The following KLF5 variants were observed in gnomAD, a reference collection of about 807,000 sequenced individuals.
KLF5 encodes KLF transcription factor 5.
A neutral mutation model predicts 36.9 loss-of-function variants in KLF5; 9 were observed. The observed-to-expected ratio is 0.24, with a 90% CI of 0.15 to 0.43. KLF5 has a LOEUF of 0.43. Ranked by LOEUF, KLF5 falls within the 20% of genes least tolerant of loss-of-function variation. The pLI is 1.00. For synonymous variants in KLF5, 246 were observed against 241.7 expected (o/e 1.02, Z -0.17); for missense variants, 524 against 599.5 (o/e 0.87, Z 1.31).
At chr13:73,067,407 T>G (rs190084049) in intron 3 of KLF5, among the ~76,000 whole-genome samples, 1 of 152,336 alleles carries the variant, frequency 6.6e-6, no homozygotes, top group African/African-American at 2.4e-5. Context: ...AAACAAAAAT[T>G]TGTAGAAATT....
chr13:73,059,904 A>C, intron 1 of KLF5: 1 of 594,496 alleles, frequency 1.7e-6, no homozygotes, highest in Non-Finnish European at 2.1e-6. Flanking sequence ...TGAGGGACGA[A>C]ACCTTGTACC....
Position 73,076,153 on chromosome 13 carries a change from C to A in KLF5, c.*267C>A. 5 of 293,858 alleles carry A rather than the reference C, an allele frequency of 1.7e-5. No individual in the cohort carries two copies. The highest frequency in any genetic ancestry group is 1.9e-5 in the Non-Finnish European group (3 of 160,460). The allele number at this position is 293,858 out of a possible 1,614,324, so 18.2% of individuals were successfully genotyped here. A position where few individuals can be genotyped will look rare whatever the true frequency, so the allele number is the denominator to read the frequency against. ...CTCATGACAGGCAGCCACGTCTCAA[C>A]ATGGGTAAGGGGTGGGGGTGGAGGG... On this transcript the variant is annotated 3_prime_UTR_variant, in exon 4 of 4. Transcript: ENST00000377687.
rs1488087703 is a variant in KLF5 at position 73,062,353 on chromosome 13, C to G, written c.754C>G (p.Leu252Val). 1 of 1,614,222 alleles carries G rather than the reference C, an allele frequency of 6.2e-7. No homozygotes were observed. Among genetic ancestry groups the G allele is most frequent in the Non-Finnish European group, 8.5e-7 (1 of 1,180,044 alleles). Residue 252 changes from leucine to valine, a missense_variant, in exon 2 of 4, where the codon CTT (leucine) becomes GTT (valine). Leu to Val is a conservative substitution (Grantham distance 32). Coordinates refer to ENST00000377687, the MANE Select transcript of KLF5 (RefSeq NM_001730.5). ...AAATCAGACAGCAGCAATGGACACT[C>G]TTAATGTTTCTATGTCAGCTGCCAT... ...STNQTAAMDTLNVSMSAAMAG... is the reference protein window; with the variant it reads ...STNQTAAMDTVNVSMSAAMAG...
chr13:73,056,913 T>A (rs1395258163), upstream of KLF5, among the ~76,000 whole-genome samples: 1 of 149,218 alleles, frequency 6.7e-6, no homozygotes, highest in Non-Finnish European at 1.5e-5. Context: ...AGACTAAAAA[T>A]ATTAAAAACT....
intron 1 of KLF5, among the ~76,000 whole-genome samples, chr13:73,059,990 C>A (rs574602803): frequency 1.3e-4 from 20 of 151,940 alleles, no homozygotes; most frequent in Middle Eastern, 3.4e-3. Context: ...CCCTCCCCCC[C>A]ATCCCCATCG....
chr13:73,056,770 T>A (rs1399201974), upstream of KLF5, among the ~76,000 whole-genome samples: 1 of 152,232 alleles, frequency 6.6e-6, no homozygotes, highest in Non-Finnish European at 1.5e-5. Context: ...ATTTCATGAA[T>A]CTTTATGCCC....
intron 1 of KLF5, chr13:73,059,949 T>C: frequency 4.0e-6 from 1 of 251,766 alleles, no homozygotes; most frequent in Non-Finnish European, 6.3e-6. Flanking sequence ...CGCCTTCGCC[T>C]GTACCGCTCT....
chr13:73,076,730 T>C lies in KLF5; in HGVS notation c.*844T>C, dbSNP rs1164468363. ...AAAGATAGTTACAAAATACAAAAGT[T>C]CAACCTCTTACAATAAGCTAAACGC... On this transcript the variant is annotated 3_prime_UTR_variant, in exon 4 of 4. Transcript: ENST00000377687. The C allele has an allele frequency of 2.0e-5, 3 of 152,168 alleles. No homozygotes were observed. The highest frequency in any genetic ancestry group is 4.4e-5 in the Non-Finnish European group (3 of 68,020). 9.4% of individuals were successfully genotyped at this position (152,168 alleles called of 1,614,324 possible).
chr13:73,061,811 C>T (rs1049324870), intron 1 of KLF5, 50 bp from the exon 2 acceptor site: 2 of 1,557,236 alleles, frequency 1.3e-6, no homozygotes, highest in South Asian at 1.2e-5. Flanking sequence ...TCGTTCTTCC[C>T]GAGATGGTGA....
chr13:73,063,982 A>AAT, intron 3 of KLF5, 99 bp downstream of exon 3: 12 of 477,616 alleles, frequency 2.5e-5, no homozygotes, highest in East Asian at 3.5e-5. Context: ...TCTCCTGTCA[A>AAT]CTTTGTTTTT....
chr13:73,067,854 T>G (rs2044691773), intron 3 of KLF5, among the ~76,000 whole-genome samples: 2 of 151,954 alleles, frequency 1.3e-5, no homozygotes, highest in African/African-American at 4.8e-5. Flanking sequence ...TTTTTTTTTT[T>G]TTTTGAGATG....
At chr13:73,075,456 C>T (rs2044752732) in intron 3 of KLF5, among the ~76,000 whole-genome samples, 3 of 152,056 alleles carry the variant, frequency 2.0e-5, no homozygotes, top group African/African-American at 7.2e-5. Context: ...AATTGTTATT[C>T]TTCAGTTGTT....
chr13:73,059,535 C>T lies in KLF5; in HGVS notation c.208C>T (p.Pro70Ser). Residue 70 changes from proline to serine, a missense_variant, in exon 1 of 4, where the codon CCG (proline) becomes TCG (serine). Physicochemically the swap from Pro to Ser is moderately conservative, Grantham distance 74 (BLOSUM62 -1). Coordinates refer to ENST00000377687, the MANE Select transcript of KLF5 (RefSeq NM_001730.5). ...GCCCGCGCCCGCGCAGGCCCCGCAG[C>T]CGGCCCAGCCGCCCGCCACCGGCCC... is the stretch of plus-strand genomic sequence containing the variant. ...AQPAPAQAPQ[P>S]AQPPATGPRL... 3.4e-6 allele frequency: 4 copies of T among 1,185,988 alleles called. No homozygotes were observed. Among genetic ancestry groups the T allele is most frequent in the Non-Finnish European group, 4.2e-6 (4 of 962,468 alleles). The allele number at this position is 1,185,988 out of a possible 1,614,324, so 73.5% of individuals were successfully genotyped here.
In KLF5 at chr13:73,075,983, G is replaced by C. The variant is rs562759797; in HGVS notation, c.*97G>C. The stretch of plus-strand genomic sequence containing the variant: ...AAACAACAAAAACAAACAAAAGCAA[G>C]AAAACCACAACTAAAACTGGAAATG... On this transcript the variant is annotated 3_prime_UTR_variant, in exon 4 of 4. Coordinates refer to ENST00000377687, the MANE Select transcript of KLF5 (RefSeq NM_001730.5). 295 of 879,800 alleles carry C rather than the reference G, an allele frequency of 3.4e-4. 2 individuals carry two copies. The African/African-American group carries it at 4.3e-3, about 13-fold the overall frequency. 54.5% of individuals were successfully genotyped at this position (879,800 alleles called of 1,614,324 possible).
At chr13:73,071,537 ATCC>A (rs761120501) in intron 3 of KLF5, among the ~76,000 whole-genome samples, 11 of 151,616 alleles carry the variant, frequency 7.3e-5, no homozygotes, top group Non-Finnish European at 1.2e-4. Flanking sequence ...AGCTAAAATC[ATCC>A]TCCTACTTTA....
At position 73,059,021 on chromosome 13, in the gene KLF5, C is replaced by T; in HGVS notation, c.-307C>T. ...AGTGTCAGTAGTCGCGGGGCAGGTA[C>T]GTGCGCTCGCGGTTCTCTCGCGGAG... On this transcript the variant is annotated 5_prime_UTR_variant, in exon 1 of 4. In the 5' UTR this introduces an upstream ATG that the reference lacks. Transcript: ENST00000377687. The T allele has an allele frequency of 3.8e-6, 1 of 261,252 alleles. No homozygotes were observed. 16.2% of individuals were successfully genotyped at this position (261,252 alleles called of 1,614,324 possible). A position where few individuals can be genotyped will look rare whatever the true frequency, so the allele number is the denominator to read the frequency against.
In KLF5 at chr13:73,076,048, T is replaced by A; in HGVS notation, c.*162T>A. 1.7e-6 allele frequency: 1 copy of A among 577,734 alleles called. No homozygotes were observed. Among genetic ancestry groups the A allele is most frequent in the Non-Finnish European group, 2.8e-6 (1 of 356,306 alleles). The allele number at this position is 577,734 out of a possible 1,614,324, so 35.8% of individuals were successfully genotyped here. A position where few individuals can be genotyped will look rare whatever the true frequency, so the allele number is the denominator to read the frequency against. On this transcript the variant is annotated 3_prime_UTR_variant, in exon 4 of 4. Transcript: ENST00000377687. Reference sequence around the variant, plus strand: ...TTGAGAAAACAGGGAATACATTGTATTAATACCAAAGTGTTTGGTCATTTT... The same window carrying A: ...TTGAGAAAACAGGGAATACATTGTAATAATACCAAAGTGTTTGGTCATTTT...
At position 73,075,989 on chromosome 13, in the gene KLF5, C is replaced by T. The variant is rs2044758379; in HGVS notation, c.*103C>T. ...CAAAAACAAACAAAAGCAAGAAAAC[C>T]ACAACTAAAACTGGAAATGTATATT... On this transcript the variant is annotated 3_prime_UTR_variant, in exon 4 of 4. Coordinates refer to ENST00000377687, the MANE Select transcript of KLF5 (RefSeq NM_001730.5). The T allele has an allele frequency of 3.1e-6, 3 of 963,262 alleles. No individual in the cohort carries two copies. In the South Asian group the frequency reaches 7.1e-5, roughly 23 times the overall value. The allele number at this position is 963,262 out of a possible 1,614,324, so 59.7% of individuals were successfully genotyped here.
chr13:73,062,804 CGTGTGCGT>C lies in KLF5; in HGVS notation c.1135+77_1135+84del, dbSNP rs1428735390. ...GTGTGTGTGTGTCTGTGTGCGCGCG[CGTGTGCGT>C]GTGTGCACGCGCGTGCCCTTTTCAA... On this transcript the variant is annotated intron_variant, in intron 2 of 3. Coordinates refer to ENST00000377687, the MANE Select transcript of KLF5 (RefSeq NM_001730.5). 90 of 1,367,260 alleles carry C rather than the reference CGTGTGCGT, an allele frequency of 6.6e-5. No individual in the cohort carries two copies. The African/African-American group carries it at 1.3e-3, about 20-fold the overall frequency. 84.7% of individuals were successfully genotyped at this position (1,367,260 alleles called of 1,614,324 possible).
Sources: allele counts gnomAD v4.1 joint callset (sites outside exome capture counted in the v4.1 genomes callset), GRCh38; gene constraint gnomAD v4.1.1; transcripts MANE v1.5; gene names NCBI Gene and HGNC (gene_info 2026-07-23, HGNC 2026-07-21).